MED12L: variants seen among roughly 807,000 people sequenced by gnomAD.
MED12L encodes the protein mediator of RNA polymerase II transcription subunit 12-like protein.
Under a neutral mutation model 281.3 loss-of-function variants are expected in MED12L, and 60 were observed. That is an observed-to-expected ratio of 0.21 (90% CI 0.17 to 0.26). The LOEUF is 0.26. Ranked by LOEUF, MED12L falls within the 10% of genes least tolerant of loss-of-function variation. The pLI is 1.00. For synonymous variants in MED12L, 974 were observed against 987.2 expected, an observed-to-expected ratio of 0.99 and a Z score of 0.25; for missense variants, 2,146 against 2,680.9, an observed-to-expected ratio of 0.80 and a Z score of 4.41.
intron 16 of MED12L, among the ~76,000 whole-genome samples, chr3:151,297,105 T>C (rs911130164): frequency 6.6e-5 from 10 of 152,206 alleles, no homozygotes; most frequent in African/African-American, 2.4e-4. Context: ...GCTAGTAATT[T>C]ATATCTGGAC....
intron 16 of MED12L, among the ~76,000 whole-genome samples, chr3:151,236,853 AC>A (rs1732922886): frequency 6.6e-6 from 1 of 152,062 alleles, no homozygotes; most frequent in Admixed American, 6.6e-5. Flanking sequence ...CTGCTGTGTG[AC>A]CATATCATAG....
chr3:151,267,813 C>T (rs1047426279), intron 16 of MED12L, among the ~76,000 whole-genome samples: 9 of 152,128 alleles, frequency 5.9e-5, no homozygotes, highest in Non-Finnish European at 8.8e-5. Context: ...AGGAACCTTG[C>T]TAAAACATGG....
Position 151,087,767 on chromosome 3 carries a change from G to A in MED12L, c.99+742G>A, listed in dbSNP as rs115052366. ...AGCTACATTAGCTTCAATGGCTAGG[G>A]TAACCATGGCATTTTGTAGCTGTGT... On this transcript the variant is annotated intron_variant, in intron 2 of 44. Coordinates refer to ENST00000687756, the MANE Select transcript of MED12L (RefSeq NM_001393769.1). 8.0e-3 allele frequency among the ~76,000 whole-genome samples: 1,218 copies of A among 152,270 alleles called. 17 individuals carry two copies. The highest frequency in any genetic ancestry group is 7.3e-3 in the Non-Finnish European group (497 of 68,028).
chr3:151,099,721 T>C (rs1019307845), intron 2 of MED12L, among the ~76,000 whole-genome samples: 3 of 152,026 alleles, frequency 2.0e-5, no homozygotes, highest in Non-Finnish European at 4.4e-5. Flanking sequence ...TGGTGGTCCG[T>C]AAACTAACAT....
chr3:151,394,443 G>A lies in MED12L; in HGVS notation c.5609-213G>A, dbSNP rs1258132956. ...AACTGAAGACCTCCATGAAATTAAA[G>A]TAGTATAATTCACTTCTACATCACT... On this transcript the variant is annotated intron_variant, in intron 38 of 44. Coordinates refer to ENST00000687756, the MANE Select transcript of MED12L (RefSeq NM_001393769.1). 3.3e-5 allele frequency among the ~76,000 whole-genome samples: 5 copies of A among 152,190 alleles called. No homozygotes were observed. In the East Asian group the frequency reaches 9.6e-4, roughly 29 times the overall value.
chr3:151,173,438 G>A (rs914887422), intron 11 of MED12L, among the ~76,000 whole-genome samples: 3 of 152,108 alleles, frequency 2.0e-5, no homozygotes, highest in African/African-American at 7.2e-5. Flanking sequence ...AGTTTCAGAT[G>A]TAATTTTGGA....
chr3:151,422,447 C>T (rs901550006), intron 43 of MED12L, among the ~76,000 whole-genome samples: 6 of 152,236 alleles, frequency 3.9e-5, no homozygotes, highest in Non-Finnish European at 5.9e-5. Context: ...TCTTTGGCAT[C>T]GCTCGGCCCG....
At chr3:151,168,540 A>T (rs1576876788) in intron 11 of MED12L, among the ~76,000 whole-genome samples, 1 of 152,216 alleles carries the variant, frequency 6.6e-6, no homozygotes, top group Non-Finnish European at 1.5e-5. Context: ...AAGGGCCATC[A>T]GTGTTGCCCC....
chr3:151,349,963 C>G, intron 16 of MED12L, 96 bp from the exon 17 acceptor site: 1 of 1,145,020 alleles, frequency 8.7e-7, no homozygotes, highest in Non-Finnish European at 1.2e-6. Context: ...CACCGCAAGC[C>G]AGCATGGAGG....
chr3:151,298,715 A>G (rs1445166610), intron 16 of MED12L, among the ~76,000 whole-genome samples: 1 of 152,178 alleles, frequency 6.6e-6, no homozygotes, highest in Non-Finnish European at 1.5e-5. Context: ...AGGTTTGTGC[A>G]TGTGTGTGTA....
chr3:151,101,049 G>T (rs1721324528), intron 2 of MED12L, among the ~76,000 whole-genome samples: 1 of 152,170 alleles, frequency 6.6e-6, no homozygotes. Flanking sequence ...ATGTCAAATT[G>T]CTGTAAAAGT....
intron 16 of MED12L, among the ~76,000 whole-genome samples, chr3:151,287,311 T>A (rs1029275217): frequency 6.6e-6 from 1 of 152,168 alleles, no homozygotes; most frequent in Non-Finnish European, 1.5e-5. Context: ...CCAAAATCCT[T>A]TCTTATCCAT....
chr3:151,170,734 T>A (rs1029381991), intron 11 of MED12L, among the ~76,000 whole-genome samples: 1 of 152,206 alleles, frequency 6.6e-6, no homozygotes, highest in Admixed American at 6.5e-5. Flanking sequence ...CTGTGCTGCT[T>A]AGTTTTCCAT....
chr3:151,148,139 T>C (rs1717983521), intron 5 of MED12L, among the ~76,000 whole-genome samples: 1 of 152,224 alleles, frequency 6.6e-6, no homozygotes, highest in Admixed American at 6.5e-5. Flanking sequence ...ATGTGCTTAT[T>C]GGCCATTTGT....
At chr3:151,096,902 T>A (rs1423446606) in intron 2 of MED12L, among the ~76,000 whole-genome samples, 1 of 152,218 alleles carries the variant, frequency 6.6e-6, no homozygotes, top group Non-Finnish European at 1.5e-5. Context: ...ACTCTGCAAT[T>A]TAGGGCACCC....
At chr3:151,320,336 A>AAGGTGATCTCTCTTGAATGCCCGTGTT (rs1748850293) in intron 16 of MED12L, among the ~76,000 whole-genome samples, 1 of 152,196 alleles carries the variant, frequency 6.6e-6, no homozygotes, top group Non-Finnish European at 1.5e-5. Context: ...AACATAGCTC[A>AAGGTGATCTCTCTTGAATGCCCGTGTT]AGGTGATCTC....
intron 16 of MED12L, among the ~76,000 whole-genome samples, chr3:151,298,669 C>G (rs77847857): frequency 4.6e-5 from 7 of 151,980 alleles, no homozygotes; most frequent in Non-Finnish European, 1.0e-4. Context: ...TTGTTTGGGA[C>G]GTAAGGGAAC....
At chr3:151,242,071 T>G (rs1212091918) in intron 16 of MED12L, among the ~76,000 whole-genome samples, 1 of 152,122 alleles carries the variant, frequency 6.6e-6, no homozygotes. Flanking sequence ...CCGACGGGCT[T>G]AAAAAACGGG....
At chr3:151,254,698 A>C (rs749017639) in intron 16 of MED12L, among the ~76,000 whole-genome samples, 1 of 152,232 alleles carries the variant, frequency 6.6e-6, no homozygotes, top group Non-Finnish European at 1.5e-5. Flanking sequence ...CGCAGCATAG[A>C]TGCTTCTTAG....
Sources: allele counts gnomAD v4.1 joint callset (sites outside exome capture counted in the v4.1 genomes callset), GRCh38; gene constraint gnomAD v4.1.1; transcripts MANE v1.5; gene names NCBI Gene and HGNC (gene_info 2026-07-23, HGNC 2026-07-21).